Variants in CTNND2 observed in about 807,000 individuals in gnomAD.
CTNND2 encodes the protein catenin delta 2, also known as catenin delta-2.
A neutral mutation model predicts 144.4 loss-of-function variants in CTNND2; 22 were observed. That is an observed-to-expected ratio of 0.15 (90% CI 0.11 to 0.22). CTNND2 has a LOEUF of 0.22. Ranked by LOEUF, CTNND2 falls within the 10% of genes least tolerant of loss-of-function variation. CTNND2 has a pLI of 1.00. For synonymous variants in CTNND2, 751 were observed against 695.6 expected, an observed-to-expected ratio of 1.08 and a Z score of -1.25; for missense variants, 1,353 against 1,618.8, an observed-to-expected ratio of 0.84 and a Z score of 2.82.
At chr5:11,264,596 A>G (rs200917351) in intron 9 of CTNND2, among the ~76,000 whole-genome samples, 1 of 152,196 alleles carries the variant, frequency 6.6e-6, no homozygotes, top group East Asian at 1.9e-4. Flanking sequence ...ACTCGGCTAC[A>G]CTATCTTAGA....
intron 16 of CTNND2, among the ~76,000 whole-genome samples, chr5:11,062,490 T>C (rs1580175254): frequency 6.6e-6 from 1 of 152,242 alleles, no homozygotes; most frequent in African/African-American, 2.4e-5. Flanking sequence ...TGCTTTTCTC[T>C]TTACGTGAGC....
intron 12 of CTNND2, among the ~76,000 whole-genome samples, chr5:11,120,755 T>C (rs1754059400): frequency 6.6e-6 from 1 of 152,090 alleles, no homozygotes; most frequent in Non-Finnish European, 1.5e-5. Flanking sequence ...AGGCTCAGTA[T>C]ACATACAGAC....
At chr5:10,986,822 G>T (rs745727246) in intron 20 of CTNND2, 8 of 356,068 alleles carry the variant, frequency 2.2e-5, no homozygotes, top group Non-Finnish European at 3.9e-5. Flanking sequence ...AAACACTGCC[G>T]CTGGGGTAAA....
chr5:11,767,061 T>C (rs1581848620), intron 1 of CTNND2, among the ~76,000 whole-genome samples: 1 of 152,072 alleles, frequency 6.6e-6, no homozygotes, highest in African/African-American at 2.4e-5. Flanking sequence ...TGACTCCATG[T>C]AGTTAGTACA....
At chr5:11,887,250 T>C (rs974090202) in intron 1 of CTNND2, among the ~76,000 whole-genome samples, 3 of 152,162 alleles carry the variant, frequency 2.0e-5, no homozygotes, top group South Asian at 4.1e-4. Context: ...CCCAAAGTGC[T>C]GGGATTACAG....
At chr5:11,173,987 G>C (rs928882535) in intron 11 of CTNND2, among the ~76,000 whole-genome samples, 1 of 152,158 alleles carries the variant, frequency 6.6e-6, no homozygotes, top group Non-Finnish European at 1.5e-5. Flanking sequence ...AACCCTAAGG[G>C]AGAAATGGCC....
At chr5:11,466,514 A>G (rs1766695363) in intron 3 of CTNND2, among the ~76,000 whole-genome samples, 1 of 152,242 alleles carries the variant, frequency 6.6e-6, no homozygotes, top group Admixed American at 6.5e-5. Context: ...TAACAGAAGA[A>G]CATCTAAAAA....
At chr5:11,525,044 G>A (rs959110423) in intron 3 of CTNND2, among the ~76,000 whole-genome samples, 4 of 152,158 alleles carry the variant, frequency 2.6e-5, no homozygotes, top group African/African-American at 2.4e-5. Flanking sequence ...CAGGCTGTCT[G>A]AAGAAGCCGA....
intron 2 of CTNND2, among the ~76,000 whole-genome samples, chr5:11,577,453 T>C (rs1778057211): frequency 6.6e-6 from 1 of 152,116 alleles, no homozygotes; most frequent in African/African-American, 2.4e-5. Context: ...TTAGAAAAGA[T>C]GGAAGGGTGT....
chr5:11,580,653 G>C (rs1778356264), intron 2 of CTNND2, among the ~76,000 whole-genome samples: 1 of 152,150 alleles, frequency 6.6e-6, no homozygotes, highest in African/African-American at 2.4e-5. Context: ...CTTTCCAGCA[G>C]TTTCTCAATG....
intron 2 of CTNND2, among the ~76,000 whole-genome samples, chr5:11,624,785 C>T (rs1023203206): frequency 3.3e-5 from 5 of 151,982 alleles, no homozygotes; most frequent in Admixed American, 1.3e-4. Context: ...TTTCCCTCCC[C>T]CAACATTAAG....
chr5:11,099,293 A>G (rs909568439), intron 14 of CTNND2, among the ~76,000 whole-genome samples: 1 of 152,224 alleles, frequency 6.6e-6, no homozygotes, highest in Admixed American at 6.5e-5. Flanking sequence ...GAAAACTGCT[A>G]TAGTCTATTA....
At chr5:11,312,007 ACACT>A (rs373363697) in intron 9 of CTNND2, among the ~76,000 whole-genome samples, 1 of 147,510 alleles carries the variant, frequency 6.8e-6, no homozygotes, top group South Asian at 2.2e-4. Context: ...CCCCACACAC[ACACT>A]CACCATACAC....
intron 9 of CTNND2, among the ~76,000 whole-genome samples, chr5:11,250,487 CTCTCTATA>C (rs1348127149): frequency 3.9e-4 from 26 of 67,212 alleles, no homozygotes; most frequent in East Asian, 2.0e-3. Context: ...CTCTCTCTCT[CTCTCTATA>C]TATATATATA....
intron 2 of CTNND2, among the ~76,000 whole-genome samples, chr5:11,600,286 TA>T (rs1206381372): frequency 6.6e-6 from 1 of 152,142 alleles, no homozygotes; most frequent in Non-Finnish European, 1.5e-5. Flanking sequence ...TGAAGTACAC[TA>T]AAACTAAAAA....
At chr5:11,139,545 G>A (rs1432188676) in intron 12 of CTNND2, among the ~76,000 whole-genome samples, 1 of 152,214 alleles carries the variant, frequency 6.6e-6, no homozygotes, top group East Asian at 1.9e-4. Context: ...TGGGTTGAAA[G>A]GGAGAAAGAA....
At chr5:11,304,306 C>T (rs1749934760) in intron 9 of CTNND2, among the ~76,000 whole-genome samples, 2 of 149,880 alleles carry the variant, frequency 1.3e-5, no homozygotes, top group Non-Finnish European at 3.0e-5. Flanking sequence ...AAATGCATTA[C>T]ACACGGACAC....
chr5:11,168,311 G>T (rs551684696), intron 11 of CTNND2, among the ~76,000 whole-genome samples: 3 of 152,226 alleles, frequency 2.0e-5, no homozygotes, highest in Admixed American at 2.0e-4. Context: ...AACTGGCAAT[G>T]CAGCTACTAC....
At chr5:11,565,683 T>A (rs930955821) in intron 2 of CTNND2, among the ~76,000 whole-genome samples, 2 of 152,202 alleles carry the variant, frequency 1.3e-5, no homozygotes, top group South Asian at 4.1e-4. Context: ...AAACAGACAA[T>A]TGAACCAATG....
Sources: allele counts gnomAD v4.1 joint callset (sites outside exome capture counted in the v4.1 genomes callset), GRCh38; gene constraint gnomAD v4.1.1; transcripts MANE v1.5; gene names NCBI Gene and HGNC (gene_info 2026-07-23, HGNC 2026-07-21).